The following PRKCH variants were observed in gnomAD, a reference collection of about 807,000 sequenced individuals.
PRKCH encodes protein kinase C eta.
In PRKCH, 28 loss-of-function variants were observed where a neutral mutation model predicts 82.5. That is an observed-to-expected ratio of 0.34 (90% CI 0.25 to 0.47). PRKCH has a LOEUF of 0.47. PRKCH is among the 20% of genes least tolerant of loss of function. PRKCH has a pLI of 1.00. For missense variants in PRKCH, 705 were observed against 881.8 expected, an observed-to-expected ratio of 0.80 and a Z score of 2.54; for synonymous variants, 322 against 327.4, an observed-to-expected ratio of 0.98 and a Z score of 0.18.
At chr14:61,527,671 T>G (rs1044727654) in intron 10 of PRKCH, among the ~76,000 whole-genome samples, 1 of 152,174 alleles carries the variant, frequency 6.6e-6, no homozygotes, top group Non-Finnish European at 1.5e-5. Context: ...TCAAAATTCC[T>G]TCGTGTGACA....
chr14:61,354,682 C>G (rs1161582508), intron 1 of PRKCH, among the ~76,000 whole-genome samples: 1 of 152,200 alleles, frequency 6.6e-6, no homozygotes, highest in African/African-American at 2.4e-5. Flanking sequence ...CTCCCTTCAC[C>G]TGACGAATTC....
chr14:61,191,093 AT>A (rs1303784662), intron 1 of PRKCH, among the ~76,000 whole-genome samples: 1 of 152,212 alleles, frequency 6.6e-6, no homozygotes, highest in Admixed American at 6.5e-5. Context: ...AAGAAATCTG[AT>A]TCTGTGGCCT....
intron 9 of PRKCH, among the ~76,000 whole-genome samples, chr14:61,478,111 C>G (rs1885810990): frequency 1.3e-5 from 2 of 152,232 alleles, no homozygotes; most frequent in Admixed American, 6.5e-5. Flanking sequence ...AGTGGATGCA[C>G]TCATGATGAT....
chr14:61,339,964 AGT>A (rs1390338325), intron 1 of PRKCH, among the ~76,000 whole-genome samples: 6 of 151,874 alleles, frequency 4.0e-5, no homozygotes, highest in Admixed American at 2.0e-4. Flanking sequence ...GGATTATAGG[AGT>A]GAGCCACTGT....
intron 12 of PRKCH, among the ~76,000 whole-genome samples, chr14:61,533,498 A>G (rs58856252): frequency 0.11 from 16,346 of 152,246 alleles, 1,268 homozygotes; most frequent in East Asian, 0.22. Context: ...GAGGAGACAC[A>G]CTGAGGAGGG....
chr14:61,192,150 C>T (rs941842253), intron 1 of PRKCH, among the ~76,000 whole-genome samples: 2 of 152,050 alleles, frequency 1.3e-5, no homozygotes, highest in African/African-American at 2.4e-5. Context: ...GTAGATGATA[C>T]AGGTACATAT....
intron 10 of PRKCH, among the ~76,000 whole-genome samples, chr14:61,519,944 C>T (rs537560164): frequency 6.6e-6 from 1 of 151,642 alleles, no homozygotes; most frequent in African/African-American, 2.4e-5. Context: ...GTTCTCTAAG[C>T]AAACAGGATG....
At position 61,485,532 on chromosome 14, in the gene PRKCH, A is replaced by C; in HGVS notation, c.1309A>C (p.Asn437His). Reference protein sequence around the residue: ...DRLFFVMEFVNGGDLMFHIQK... With the variant: ...DRLFFVMEFVHGGDLMFHIQK... ...TCTGTTTTTTGTGATGGAGTTTGTGAATGGGGGTGACTTGATGTTCCACAT... is the reference window on the plus strand; with the variant it reads ...TCTGTTTTTTGTGATGGAGTTTGTGCATGGGGGTGACTTGATGTTCCACAT... The change falls in exon 10 of 14, where the codon AAT becomes CAT. Residue 437 changes from asparagine to histidine, a missense_variant. Asn to His is a moderately conservative substitution (Grantham distance 68). This residue lies in a region of PRKCH where 238 missense variants were observed against 258.1 expected (regional missense o/e 0.92). Transcript: ENST00000332981. 1 of 1,613,940 alleles carries C rather than the reference A, an allele frequency of 6.2e-7. No homozygotes were observed. Among genetic ancestry groups the C allele is most frequent in the Non-Finnish European group, 8.5e-7 (1 of 1,179,950 alleles).
chr14:61,265,185 C>T (rs2045087002), intron 1 of PRKCH, among the ~76,000 whole-genome samples: 1 of 152,144 alleles, frequency 6.6e-6, no homozygotes. Context: ...CATTTCTCCT[C>T]AAGAAACCAT....
intron 9 of PRKCH, among the ~76,000 whole-genome samples, chr14:61,460,804 G>A (rs925192682): frequency 6.6e-6 from 1 of 152,168 alleles, no homozygotes; most frequent in Non-Finnish European, 1.5e-5. Context: ...TCATCTCAGA[G>A]TTAGAAAAAT....
At chr14:61,352,656 GAA>G (rs1173812979) in intron 1 of PRKCH, among the ~76,000 whole-genome samples, 76 of 125,212 alleles carry the variant, frequency 6.1e-4, no homozygotes, top group South Asian at 7.8e-4. Context: ...AAGAAAGAAA[GAA>G]AGAGAGAGAG....
At chr14:61,412,477 C>T (rs1029533952) in intron 2 of PRKCH, among the ~76,000 whole-genome samples, 1 of 152,124 alleles carries the variant, frequency 6.6e-6, no homozygotes, top group African/African-American at 2.4e-5. Context: ...GAACCATAAG[C>T]TCCTACTTAT....
At chr14:61,469,030 T>A (rs932127997) in intron 9 of PRKCH, among the ~76,000 whole-genome samples, 1 of 152,108 alleles carries the variant, frequency 6.6e-6, no homozygotes, top group Non-Finnish European at 1.5e-5. Context: ...TTCTGCCAGG[T>A]GGTTTAGTGA....
intron 1 of PRKCH, among the ~76,000 whole-genome samples, chr14:61,247,750 A>AAG (rs2044899332): frequency 6.6e-6 from 1 of 150,720 alleles, no homozygotes; most frequent in Non-Finnish European, 1.5e-5. Flanking sequence ...AAAAAAAAAA[A>AAG]AAAAAAAAGA....
intron 1 of PRKCH, among the ~76,000 whole-genome samples, chr14:61,353,317 T>C (rs2046106442): frequency 6.6e-6 from 1 of 152,090 alleles, no homozygotes; most frequent in South Asian, 2.1e-4. Context: ...TCAGAAAAAA[T>C]GATTAAAGAT....
At chr14:61,474,597 C>T (rs960641228) in intron 9 of PRKCH, among the ~76,000 whole-genome samples, 1 of 152,034 alleles carries the variant, frequency 6.6e-6, no homozygotes, top group Non-Finnish European at 1.5e-5. Context: ...AGGAGAAATA[C>T]CTAATGTAAA....
intron 1 of PRKCH, among the ~76,000 whole-genome samples, chr14:61,379,060 A>C (rs920501313): frequency 6.6e-6 from 1 of 152,226 alleles, no homozygotes; most frequent in Non-Finnish European, 1.5e-5. Context: ...CCAGCCTGCC[A>C]GCATGTCGTG....
chr14:61,461,502 CACATGGTTTCCTATG>C, intron 9 of PRKCH, among the ~76,000 whole-genome samples: 1 of 152,210 alleles, frequency 6.6e-6, no homozygotes, highest in Non-Finnish European at 1.5e-5. Context: ...AGCCAAACAT[CACATGGTTTCCTATG>C]ACATGAGGTT....
intron 1 of PRKCH, among the ~76,000 whole-genome samples, chr14:61,336,667 A>C (rs1566826504): frequency 6.6e-6 from 1 of 152,202 alleles, no homozygotes; most frequent in Non-Finnish European, 1.5e-5. Context: ...AGGCTCTTTC[A>C]ATTGGCATTA....
Sources: allele counts gnomAD v4.1 joint callset (sites outside exome capture counted in the v4.1 genomes callset), GRCh38; gene constraint gnomAD v4.1.1; regional missense constraint gnomAD v4.1.1; transcripts MANE v1.5; gene names NCBI Gene and HGNC (gene_info 2026-07-23, HGNC 2026-07-21).